The following DMD variants were observed in gnomAD, a reference collection of about 807,000 sequenced individuals.
DMD encodes the protein mutant dystrophin.
A neutral mutation model predicts 330.1 loss-of-function variants in DMD; 63 were observed. That is an observed-to-expected ratio of 0.19 (90% CI 0.16 to 0.24). DMD has a LOEUF of 0.24. Among genes scored for constraint, DMD ranks in the 10% least tolerant of loss-of-function variants. The probability of loss-of-function intolerance (pLI) is 1.00; values close to 1 mark genes in which losing one functional copy is unlikely to be tolerated. For synonymous variants in DMD, 1,223 were observed against 959.8 expected (o/e 1.27, Z -5.07); for missense variants, 3,344 against 2,684.1 (o/e 1.25, Z -5.43).
At chrX:32,790,946 G>T (rs769949475) in intron 7 of DMD, among the ~76,000 whole-genome samples, 1 of 111,077 alleles carries the variant, frequency 9.0e-6, no homozygotes, top group African/African-American at 3.3e-5. Context: ...GCACCACCAG[G>T]AGTCCTGAGG....
chrX:33,022,414 T>G (rs893060493), intron 1 of DMD, among the ~76,000 whole-genome samples: 6 of 111,149 alleles, frequency 5.4e-5, no homozygotes, highest in Admixed American at 4.8e-4. Flanking sequence ...TAACACTAAA[T>G]GTGAGCTTCA....
chrX:32,367,349 G>A (rs2097858039), intron 34 of DMD, among the ~76,000 whole-genome samples: 1 of 111,972 alleles, frequency 8.9e-6, no homozygotes, highest in African/African-American at 3.2e-5. Flanking sequence ...ATACGCAAAT[G>A]AGAATTATCT....
intron 2 of DMD, among the ~76,000 whole-genome samples, chrX:33,017,378 CAGAT>C (rs71746234): frequency 0.42 from 45,595 of 109,765 alleles, 6,964 homozygotes; most frequent in South Asian, 0.52. Context: ...AAAGTAGACA[CAGAT>C]AGACATTAAT....
chrX:31,178,814 G>A lies in DMD; in HGVS notation c.10087-9C>T. 8.3e-7 allele frequency: 1 copy of A among 1,209,472 alleles called. No homozygotes were observed. The highest frequency in any genetic ancestry group is 3.0e-5 in the East Asian group (1 of 33,764). On this transcript the variant is annotated splice_polypyrimidine_tract_variant and intron_variant, in intron 69 of 78. Coordinates refer to ENST00000357033, the MANE Select transcript of DMD (RefSeq NM_004006.3). ...TCTTCTCCTGATGTAGTCTAAAAGG[G>A]AGATCATGGTGAGATCAGATTTAGG...
chrX:33,129,190 T>TA (rs918133708), intron 1 of DMD: 3 of 110,460 alleles, frequency 2.7e-5, no homozygotes, highest in Non-Finnish European at 5.7e-5. Flanking sequence ...GATCAAAGCA[T>TA]ATAAACTAAA....
At chrX:32,737,200 AC>A (rs2068631735) in intron 7 of DMD, among the ~76,000 whole-genome samples, 1 of 110,477 alleles carries the variant, frequency 9.1e-6, no homozygotes, top group African/African-American at 3.3e-5. Flanking sequence ...CCAAATGGCC[AC>A]CTGGTGCTTC....
At chrX:32,714,657 T>G (rs188707381) in intron 7 of DMD, among the ~76,000 whole-genome samples, 1 of 111,762 alleles carries the variant, frequency 8.9e-6, no homozygotes, top group African/African-American at 3.3e-5. Flanking sequence ...ACAAACTAAC[T>G]TAGGGAGAAC....
At chrX:32,724,408 T>G (rs1569489960) in intron 7 of DMD, among the ~76,000 whole-genome samples, 1 of 111,889 alleles carries the variant, frequency 8.9e-6, no homozygotes, top group African/African-American at 3.2e-5. Flanking sequence ...TACTAAAGTC[T>G]GCTTTTTATA....
chrX:31,943,923 GAGAGAA>G (rs2095046030), intron 45 of DMD, among the ~76,000 whole-genome samples: 1 of 98,337 alleles, frequency 1.0e-5, no homozygotes, highest in Non-Finnish European at 2.0e-5. Context: ...GAGAGAGAGA[GAGAGAA>G]AAGGGAACAT....
chrX:33,233,028 CTATAA>C (rs1375326704), intron 1 of DMD, among the ~76,000 whole-genome samples: 3 of 110,715 alleles, frequency 2.7e-5, no homozygotes, highest in Non-Finnish European at 5.7e-5. Flanking sequence ...ATGATGGTGA[CTATAA>C]TATATCATAA....
At chrX:33,200,835 T>A (rs943775899) in intron 1 of DMD, among the ~76,000 whole-genome samples, 10 of 110,293 alleles carry the variant, frequency 9.1e-5, no homozygotes, top group African/African-American at 3.0e-4. Flanking sequence ...ATGTTAAAAT[T>A]TATATTATCC....
rs1569519878 is a variant in DMD, at chrX:31,293,214, T to TAGTCTGGTTTA, written c.9224+30383_9224+30384insTAAACCAGACT. Among the ~76,000 whole-genome samples, 69 of 90,950 alleles carry TAGTCTGGTTTA rather than the reference T, an allele frequency of 7.6e-4. 1 individual carries two copies. Among genetic ancestry groups the TAGTCTGGTTTA allele is most frequent in the African/African-American group, 1.1e-3 (22 of 20,578 alleles). The allele number at this position is 90,950 out of a possible 115,157, so 79.0% of individuals were successfully genotyped here. A position where few individuals can be genotyped will look rare whatever the true frequency, so the allele number is the denominator to read the frequency against. On this transcript the variant is annotated intron_variant, in intron 62 of 78. Transcript: ENST00000357033. ...TGTGTAGTCTGGTTTAGTGTGTGTG[T>TAGTCTGGTTTA]GTGTGTGTGTGTGTGTGTGTGTGTG...
intron 64 of DMD, among the ~76,000 whole-genome samples, chrX:31,222,441 T>G (rs1039035006): frequency 9.6e-6 from 1 of 104,446 alleles, no homozygotes; most frequent in Middle Eastern, 4.9e-3. Context: ...AAAGAAACTG[T>G]GCCTGTTTCA....
chrX:32,399,226 T>G, intron 30 of DMD, among the ~76,000 whole-genome samples: 1 of 111,076 alleles, frequency 9.0e-6, no homozygotes, highest in Non-Finnish European at 1.9e-5. Flanking sequence ...AAAGCAAAAA[T>G]GGACAAATGG....
At chrX:31,785,776 G>A (rs1331113794) in intron 50 of DMD, among the ~76,000 whole-genome samples, 1 of 111,463 alleles carries the variant, frequency 9.0e-6, no homozygotes, top group Non-Finnish European at 1.9e-5. Flanking sequence ...CAAAGGACAC[G>A]AACGCATCCT....
chrX:32,093,998 C>A (rs984384298), intron 44 of DMD, among the ~76,000 whole-genome samples: 1 of 110,723 alleles, frequency 9.0e-6, no homozygotes, highest in East Asian at 2.8e-4. Context: ...TAAAAAGGAA[C>A]CACAATGGTT....
chrX:31,130,087 A>G (rs1183699634), intron 77 of DMD, among the ~76,000 whole-genome samples: 2 of 111,512 alleles, frequency 1.8e-5, no homozygotes, highest in Non-Finnish European at 3.8e-5. Flanking sequence ...TTAAGAGCTT[A>G]TCTTGGCTCC....
At chrX:32,848,610 A>G (rs1427931174) in intron 3 of DMD, among the ~76,000 whole-genome samples, 1 of 60,235 alleles carries the variant, frequency 1.7e-5, no homozygotes, top group East Asian at 5.4e-4. Flanking sequence ...AAAAAATGAA[A>G]GCATAGGTAT....
At chrX:31,221,436 T>C (rs748967685) in intron 64 of DMD, among the ~76,000 whole-genome samples, 91 of 112,276 alleles carry the variant, frequency 8.1e-4, no homozygotes, top group African/African-American at 2.9e-3. Context: ...CAGCACATGC[T>C]CTTCTTTCTG....
Sources: allele counts gnomAD v4.1 joint callset (sites outside exome capture counted in the v4.1 genomes callset), GRCh38; gene constraint gnomAD v4.1.1; transcripts MANE v1.5; gene names NCBI Gene and HGNC (gene_info 2026-07-23, HGNC 2026-07-21).